The following ITPR1 variants were observed in gnomAD, a reference collection of about 807,000 sequenced individuals.
The protein encoded by ITPR1 is inositol 1,4,5-trisphosphate receptor type 1.
A neutral mutation model predicts 318.4 loss-of-function variants in ITPR1; 96 were observed. The observed-to-expected ratio is 0.30, with a 90% CI of 0.26 to 0.36. The LOEUF (loss-of-function observed/expected upper bound fraction) is 0.36, where lower values mean the gene tolerates loss of function less well. Ranked by LOEUF, ITPR1 falls within the 10% of genes least tolerant of loss-of-function variation. ITPR1 has a pLI of 1.00. For synonymous variants in ITPR1, 1,312 were observed against 1,289.9 expected, an observed-to-expected ratio of 1.02 and a Z score of -0.37; for missense variants, 2,440 against 3,460.2, an observed-to-expected ratio of 0.71 and a Z score of 7.40.
chr3:4,782,537 C>T, intron 49 of ITPR1, 82 bp from the exon 50 acceptor site: 4 of 1,399,840 alleles, frequency 2.9e-6, no homozygotes, highest in Non-Finnish European at 3.8e-6. Flanking sequence ...GGAGGGGAGA[C>T]AGCCAGTGTG....
chr3:4,524,692 A>G (rs145738535), intron 4 of ITPR1, among the ~76,000 whole-genome samples: 1 of 152,340 alleles, frequency 6.6e-6, no homozygotes, highest in Non-Finnish European at 1.5e-5. Context: ...AGGCCTGTTT[A>G]TGCAATATTC....
intron 10 of ITPR1, among the ~76,000 whole-genome samples, chr3:4,648,186 T>C (rs1372945189): frequency 6.6e-6 from 1 of 152,122 alleles, no homozygotes; most frequent in Non-Finnish European, 1.5e-5. Flanking sequence ...TCTTGGGCAT[T>C]GTATAGAAAA....
intron 52 of ITPR1, among the ~76,000 whole-genome samples, chr3:4,794,804 T>C (rs1189455172): frequency 1.3e-5 from 2 of 152,224 alleles, no homozygotes; most frequent in Non-Finnish European, 2.9e-5. Context: ...GGTTTATAGA[T>C]GCTCCAACTT....
intron 44 of ITPR1, among the ~76,000 whole-genome samples, chr3:4,758,679 G>A (rs745567620): frequency 9.2e-5 from 14 of 152,190 alleles, no homozygotes; most frequent in African/African-American, 1.4e-4. Flanking sequence ...TGCACCTAAA[G>A]AAAGGAGTGT....
chr3:4,548,958 G>A (rs1475180844), intron 4 of ITPR1, among the ~76,000 whole-genome samples: 1 of 152,174 alleles, frequency 6.6e-6, no homozygotes, highest in East Asian at 1.9e-4. Context: ...AGGCCGATGT[G>A]TGTTCCCATG....
intron 34 of ITPR1, 125 bp downstream of exon 34, chr3:4,697,397 A>T: frequency 3.5e-6 from 3 of 851,324 alleles, no homozygotes; most frequent in South Asian, 2.6e-5. Flanking sequence ...CATCATTTCT[A>T]CTCTAATCCG....
At chr3:4,628,626 T>C (rs2092916607) in intron 5 of ITPR1, among the ~76,000 whole-genome samples, 1 of 152,226 alleles carries the variant, frequency 6.6e-6, no homozygotes, top group Admixed American at 6.5e-5. Flanking sequence ...TACTTCATTT[T>C]CTCCCCGTCA....
At chr3:4,744,673 C>T (rs996864635) in intron 44 of ITPR1, among the ~76,000 whole-genome samples, 3 of 152,166 alleles carry the variant, frequency 2.0e-5, no homozygotes, top group Non-Finnish European at 4.4e-5. Flanking sequence ...TTTGTTTAAT[C>T]TTTACTATGT....
intron 36 of ITPR1, among the ~76,000 whole-genome samples, chr3:4,705,598 G>T (rs532029150): frequency 1.1e-4 from 16 of 152,212 alleles, no homozygotes; most frequent in African/African-American, 1.9e-4. Flanking sequence ...CTAGTCAGGA[G>T]TCCTGTAGAG....
intron 14 of ITPR1, among the ~76,000 whole-genome samples, chr3:4,661,526 C>T (rs1484228454): frequency 6.6e-6 from 1 of 152,188 alleles, no homozygotes; most frequent in Admixed American, 6.5e-5. Flanking sequence ...TCTCTCCCTA[C>T]TTCTCCTTCC....
At chr3:4,592,764 T>A (rs867866159) in intron 4 of ITPR1, among the ~76,000 whole-genome samples, 15 of 152,336 alleles carry the variant, frequency 9.8e-5, no homozygotes, top group Middle Eastern at 6.8e-3. Flanking sequence ...CTCAGCTGGT[T>A]AAATCCCACC....
At chr3:4,728,738 C>T (rs539726804) in intron 42 of ITPR1, among the ~76,000 whole-genome samples, 1 of 152,236 alleles carries the variant, frequency 6.6e-6, no homozygotes, top group South Asian at 2.1e-4. Context: ...CCACCTGTCC[C>T]CTGTCTTGGA....
At chr3:4,645,881 A>T in intron 10 of ITPR1, 153 bp downstream of exon 10, 2 of 697,250 alleles carry the variant, frequency 2.9e-6, no homozygotes, top group Non-Finnish European at 4.8e-6. Context: ...CACACAGAAT[A>T]CATGTGTGTG....
intron 4 of ITPR1, among the ~76,000 whole-genome samples, chr3:4,549,444 A>T (rs1415270314): frequency 2.0e-5 from 3 of 152,128 alleles, no homozygotes; most frequent in Non-Finnish European, 1.5e-5. Flanking sequence ...TGCTTTGTTC[A>T]TTTCTCACAA....
chr3:4,546,861 G>A (rs1416723811), intron 4 of ITPR1, among the ~76,000 whole-genome samples: 2 of 151,068 alleles, frequency 1.3e-5, no homozygotes, highest in African/African-American at 4.9e-5. Flanking sequence ...AAGAAGTGTG[G>A]GCTCATAAGA....
chr3:4,843,074 G>GTTTT (rs11404208), intron 61 of ITPR1, among the ~76,000 whole-genome samples: 9 of 105,438 alleles, frequency 8.5e-5, no homozygotes, highest in Non-Finnish European at 1.1e-4. Context: ...GTTTTGAGGG[G>GTTTT]TTTTTTTTTT....
chr3:4,718,977 C>T (rs2041957468), intron 40 of ITPR1, among the ~76,000 whole-genome samples: 1 of 152,132 alleles, frequency 6.6e-6, no homozygotes, highest in Non-Finnish European at 1.5e-5. Context: ...TGCTTAAGTA[C>T]AAATGAAGTC....
chr3:4,669,794 T>C (rs1214347186), intron 19 of ITPR1, 21 bp downstream of exon 19: 2 of 1,595,586 alleles, frequency 1.3e-6, no homozygotes, highest in Non-Finnish European at 1.7e-6. Flanking sequence ...AGCCAGGGTT[T>C]AGATGGAAAA....
chr3:4,801,997 C>T (rs929366344), intron 54 of ITPR1, among the ~76,000 whole-genome samples: 3 of 152,098 alleles, frequency 2.0e-5, no homozygotes, highest in African/African-American at 7.2e-5. Flanking sequence ...TCACTTGCAG[C>T]ACTGAATTTT....
Sources: gnomAD v4.1 joint callset for allele counts (sites outside exome capture counted in the v4.1 genomes callset) on GRCh38, gnomAD v4.1.1 for gene constraint, MANE v1.5 for transcripts, NCBI Gene and HGNC (gene_info 2026-07-23, HGNC 2026-07-21) for gene names.